Variants in CHRNB4 observed in about 807,000 individuals in gnomAD.
CHRNB4 encodes the protein cholinergic receptor nicotinic beta 4 subunit, also known as neuronal acetylcholine receptor subunit beta-4.
CHRNB4 carries 23 observed loss-of-function variants against 40.4 expected under a neutral mutation model. The observed-to-expected ratio is 0.57, with a 90% CI of 0.41 to 0.81. The LOEUF (loss-of-function observed/expected upper bound fraction) is 0.81. CHRNB4 is among the 30% of genes least tolerant of loss of function. The pLI is 0.00. For synonymous variants in CHRNB4, 285 were observed against 274.4 expected, an observed-to-expected ratio of 1.04 and a Z score of -0.38; for missense variants, 568 against 670.6, an observed-to-expected ratio of 0.85 and a Z score of 1.69.
rs1287395058 is a variant in CHRNB4 at position 78,629,172 on chromosome 15, C to G, written c.1133G>C (p.Ser378Thr). The G allele has an allele frequency of 1.2e-6, 2 of 1,613,896 alleles. No homozygotes were observed. The highest frequency in any genetic ancestry group is 1.7e-6 in the Non-Finnish European group (2 of 1,179,984). Reference protein sequence around the residue: ...TKPEATATSTSPSNFYGNSMY... With the variant: ...TKPEATATSTTPSNFYGNSMY... ...GGAGTTCCCATAGAAGTTGGAGGGG[C>G]TGGTGGAGGTGGCGGTGGCCTCGGG... Residue 378 changes from serine (S) to threonine (T), a missense_variant, in exon 5 of 6, where the codon AGC becomes ACC. Ser to Thr is a moderately conservative substitution (Grantham distance 58). Around this residue, in one of 4 missense-constraint regions of CHRNB4, gnomAD observed 242 missense variants for 274.9 expected, o/e 0.88. Transcript: ENST00000261751. This position sits in a 1 kb window ranked among gnomAD's most constrained non-coding sequence, Gnocchi z 6.8.
chr15:78,633,654 C>G (rs1567122247), intron 2 of CHRNB4, among the ~76,000 whole-genome samples: 1 of 152,208 alleles, frequency 6.6e-6, no homozygotes. Flanking sequence ...CCCCCGATCT[C>G]TTGCCAAGTG....
intron 1 of CHRNB4, among the ~76,000 whole-genome samples, chr15:78,638,106 G>C (rs948703982): frequency 3.9e-5 from 6 of 152,342 alleles, no homozygotes; most frequent in African/African-American, 1.4e-4. Context: ...CCATCCCCCA[G>C]CCCTGCAATA....
rs1468854193 is a variant in CHRNB4 at position 78,631,010 on chromosome 15, C to T, written c.359+66G>A. ...CAGGGTTGGACTCAGGCCTGGATGA[C>T]TCTTAGGGCTGGGCCTGCTGCCCTG... On this transcript the variant is annotated intron_variant, in intron 4 of 5. Transcript: ENST00000261751. 2.3e-6 allele frequency: 3 copies of T among 1,296,160 alleles called. No individual in the cohort carries two copies. The African/African-American group carries it at 4.4e-5, about 19-fold the overall frequency. The allele number at this position is 1,296,160 out of a possible 1,614,324, so 80.3% of individuals were successfully genotyped here.
intron 7 of CHRNB4, among the ~76,000 whole-genome samples, chr15:78,647,918 A>G (rs1047991512): frequency 6.6e-6 from 1 of 151,180 alleles, no homozygotes; most frequent in Non-Finnish European, 1.5e-5. Flanking sequence ...CAAAAACCTT[A>G]CGATAAATCT....
chr15:78,653,121 T>C (rs1030512191), intron 5 of CHRNB4, among the ~76,000 whole-genome samples: 9 of 152,174 alleles, frequency 5.9e-5, no homozygotes, highest in African/African-American at 9.7e-5. Flanking sequence ...TTTTCTCCTA[T>C]CTCCTTTATA....
Position 78,629,652 on chromosome 15 carries a change from C to T in CHRNB4, c.653G>A (p.Ser218Asn), listed in dbSNP as rs1276727699. The T allele has an allele frequency of 6.2e-7, 1 of 1,614,150 alleles. No individual in the cohort carries two copies. The highest frequency in any genetic ancestry group is 8.5e-7 in the Non-Finnish European group (1 of 1,180,030). The change falls in exon 5 of 6, where the codon AGC (serine) becomes AAC (asparagine). Residue 218 changes from serine to asparagine, a missense_variant. Physicochemically the swap from Ser to Asn is conservative, Grantham distance 46. This residue lies in a region of CHRNB4 where 127 missense variants were observed against 167.4 expected (regional missense o/e 0.76). Coordinates refer to ENST00000261751, the MANE Select transcript of CHRNB4 (RefSeq NM_000750.5). The surrounding 1 kb of genome is among the most constrained non-coding windows in gnomAD (Gnocchi z 6.8). ...GAAGTCGTAAGTCACGTCCACGTAG[C>T]TGGGGTCTTGTGGGTTCACTGTCCT... ...GRRTVNPQDP[S>N]YVDVTYDFII...
rs1159393450 is a variant in CHRNB4 at position 78,641,099 on chromosome 15, A to T, written c.35T>A (p.Leu12Gln). Residue 12 changes from leucine to glutamine, a missense_variant, in exon 1 of 6, where the codon CTG becomes CAG. Around this residue, in one of 4 missense-constraint regions of CHRNB4, gnomAD observed 161 missense variants for 148.1 expected, o/e 1.09. Coordinates refer to ENST00000261751, the MANE Select transcript of CHRNB4 (RefSeq NM_000750.5). ...RRAPSLVLFF[L>Q]VALCGRGNCR... ...CTCACCGCGCCCGCAAAGGGCGACC[A>T]GGAAGAAAAGGACCAGGGAAGGCGC... 4 of 1,581,084 alleles carry T rather than the reference A, an allele frequency of 2.5e-6. No individual in the cohort carries two copies. Among genetic ancestry groups the T allele is most frequent in the Non-Finnish European group, 2.6e-6 (3 of 1,164,372 alleles).
chr15:78,659,570 C>T (rs2054237272), intron 1 of CHRNB4, among the ~76,000 whole-genome samples: 1 of 152,080 alleles, frequency 6.6e-6, no homozygotes, highest in Non-Finnish European at 1.5e-5. Flanking sequence ...CATTTGAGAC[C>T]TGAATGACCA....
intron 2 of CHRNB4, 40 bp downstream of exon 2, chr15:78,635,399 C>T: frequency 6.2e-7 from 1 of 1,605,056 alleles, no homozygotes; most frequent in Non-Finnish European, 8.5e-7. Flanking sequence ...TGAGCGGCCT[C>T]TCCACCTGAG....
At chr15:78,633,451 G>C (rs1239522519) in intron 2 of CHRNB4, among the ~76,000 whole-genome samples, 1 of 152,170 alleles carries the variant, frequency 6.6e-6, no homozygotes. Context: ...CAAAATAACT[G>C]TTGGAGCTCT....
intron 1 of CHRNB4, among the ~76,000 whole-genome samples, chr15:78,640,264 G>T (rs187899132): frequency 6.6e-6 from 1 of 152,186 alleles, no homozygotes; most frequent in Non-Finnish European, 1.5e-5. Context: ...CTGGGTGACT[G>T]TAGGAGCTAG....
intron 7 of CHRNB4, among the ~76,000 whole-genome samples, chr15:78,648,902 C>G (rs1366059285): frequency 6.6e-6 from 1 of 152,130 alleles, no homozygotes; most frequent in East Asian, 1.9e-4. Flanking sequence ...CCTCAGCCTC[C>G]CAAGTAGCTG....
chr15:78,655,364 C>T (rs977550248), intron 5 of CHRNB4, among the ~76,000 whole-genome samples: 1 of 148,462 alleles, frequency 6.7e-6, no homozygotes, highest in South Asian at 2.1e-4. Flanking sequence ...TACAGCTGCA[C>T]ACCACCACAC....
chr15:78,630,865 G>C, intron 4 of CHRNB4: 1 of 563,816 alleles, frequency 1.8e-6, no homozygotes, highest in Non-Finnish European at 3.2e-6. Context: ...AATCAGACAA[G>C]GTCCCTCCCC....
chr15:78,628,878 TATGA>T, intron 5 of CHRNB4, 85 bp downstream of exon 5: 1 of 1,486,948 alleles, frequency 6.7e-7, no homozygotes, highest in Non-Finnish European at 9.0e-7. Context: ...CCTTGTCTCC[TATGA>T]ATTAACTGCA....
Position 78,629,996 on chromosome 15 carries a change from T to C in CHRNB4, c.360-51A>G, listed in dbSNP as rs1054848266. 6 of 1,503,122 alleles carry C rather than the reference T, an allele frequency of 4.0e-6. No individual in the cohort carries two copies. The East Asian group carries it at 1.4e-4, about 34-fold the overall frequency. The allele number at this position is 1,503,122 out of a possible 1,614,324, so 93.1% of individuals were successfully genotyped here. A position where few individuals can be genotyped will look rare whatever the true frequency, so the allele number is the denominator to read the frequency against. On this transcript the variant is annotated intron_variant, in intron 4 of 5. Coordinates refer to ENST00000261751, the MANE Select transcript of CHRNB4 (RefSeq NM_000750.5). The surrounding 1 kb of genome is among the most constrained non-coding windows in gnomAD (Gnocchi z 6.8). ...CATCGTGAAACCCATACACAAAACCTGGCCTGTTCTCAGAACTCACTGAAG... is the reference window on the plus strand; with the variant it reads ...CATCGTGAAACCCATACACAAAACCCGGCCTGTTCTCAGAACTCACTGAAG...
chr15:78,635,368 T>C, intron 2 of CHRNB4, 71 bp downstream of exon 2: 1 of 1,567,898 alleles, frequency 6.4e-7, no homozygotes, highest in East Asian at 2.2e-5. Context: ...CTTTGACCAA[T>C]GATCGCCTGG....
At chr15:78,640,750 C>G (rs2054052293) in intron 1 of CHRNB4, among the ~76,000 whole-genome samples, 1 of 152,238 alleles carries the variant, frequency 6.6e-6, no homozygotes, top group South Asian at 2.1e-4. Context: ...TCCCAGACTG[C>G]TGGGGATGAC....
At chr15:78,646,431 G>A (rs2054123828) in intron 7 of CHRNB4, among the ~76,000 whole-genome samples, 1 of 152,220 alleles carries the variant, frequency 6.6e-6, no homozygotes, top group African/African-American at 2.4e-5. Flanking sequence ...AGCAAACATA[G>A]GAGGATATCA....
Sources: gnomAD v4.1 joint callset for allele counts (sites outside exome capture counted in the v4.1 genomes callset) on GRCh38, gnomAD v4.1.1 for gene constraint, gnomAD v4.1.1 regional missense constraint, Gnocchi (gnomAD v3.1) non-coding constraint, MANE v1.5 for transcripts, NCBI Gene and HGNC (gene_info 2026-07-23, HGNC 2026-07-21) for gene names.